Variants in AOPEP observed in about 807,000 individuals in gnomAD.
AOPEP encodes the protein aminopeptidase O (putative), also known as aminopeptidase O.
Under a neutral mutation model 98.1 loss-of-function variants are expected in AOPEP, and 77 were observed. The ratio of observed to expected loss-of-function variants is 0.78; its 90% CI spans 0.65 to 0.95. The LOEUF (loss-of-function observed/expected upper bound fraction) is 0.95. Among genes scored for constraint, AOPEP ranks in the 40% least tolerant of loss-of-function variants. The pLI, the probability that AOPEP is intolerant of heterozygous loss-of-function variation, is 0.00. For synonymous variants in AOPEP, 346 were observed against 365.3 expected, an observed-to-expected ratio of 0.95 and a Z score of 0.60; for missense variants, 1,024 against 1,024.7, an observed-to-expected ratio of 1.00 and a Z score of 0.01.
At chr9:95,058,818 TA>T (rs1419793176) in intron 13 of AOPEP, among the ~76,000 whole-genome samples, 2 of 152,122 alleles carry the variant, frequency 1.3e-5, no homozygotes, top group African/African-American at 4.8e-5. Context: ...GGAGACGGGT[TA>T]GGGGTACTTG....
chr9:94,809,571 C>T (rs867079121), intron 5 of AOPEP, among the ~76,000 whole-genome samples: 5 of 152,338 alleles, frequency 3.3e-5, no homozygotes, highest in Middle Eastern at 6.8e-3. Context: ...AGGCCCTGGG[C>T]AAGGGCTTTG....
chr9:95,090,946 G>T (rs1214579502), downstream of AOPEP, among the ~76,000 whole-genome samples: 1 of 152,224 alleles, frequency 6.6e-6, no homozygotes, highest in Non-Finnish European at 1.5e-5. Context: ...ACCCAAGACA[G>T]CCCTGACGGA....
chr9:94,814,740 C>G (rs1005272559), intron 5 of AOPEP, among the ~76,000 whole-genome samples: 1 of 152,214 alleles, frequency 6.6e-6, no homozygotes, highest in Non-Finnish European at 1.5e-5. Context: ...TCCTTAAGAT[C>G]TAATACTGTG....
chr9:95,078,657 G>A (rs768183246), intron 14 of AOPEP, among the ~76,000 whole-genome samples: 2 of 152,222 alleles, frequency 1.3e-5, no homozygotes, highest in African/African-American at 4.8e-5. Flanking sequence ...TGGCCATCTC[G>A]CCAGACCACA....
intron 14 of AOPEP, among the ~76,000 whole-genome samples, chr9:95,071,304 AC>A (rs201452806): frequency 2.1e-5 from 2 of 93,370 alleles, no homozygotes; most frequent in Admixed American, 1.4e-4. Flanking sequence ...ACACACACAC[AC>A]AAAAAAATGC....
intron 2 of AOPEP, among the ~76,000 whole-genome samples, chr9:94,766,479 G>A (rs972500239): frequency 1.3e-5 from 2 of 152,252 alleles, no homozygotes; most frequent in African/African-American, 4.8e-5. Context: ...GGAGCTTGCA[G>A]TGAGCTGAGA....
intron 5 of AOPEP, among the ~76,000 whole-genome samples, chr9:94,872,353 A>G (rs1050315772): frequency 2.0e-5 from 3 of 152,196 alleles, no homozygotes; most frequent in African/African-American, 7.2e-5. Context: ...GAAACAGGCC[A>G]AGAAAGGTTG....
intron 3 of AOPEP, among the ~76,000 whole-genome samples, chr9:94,776,421 C>A (rs901798470): frequency 9.2e-5 from 14 of 152,166 alleles, no homozygotes; most frequent in Non-Finnish European, 2.1e-4. Context: ...CCTGCCTCAG[C>A]CTCCCGAGTA....
chr9:95,065,117 T>G (rs1334375144), intron 14 of AOPEP, among the ~76,000 whole-genome samples: 1 of 152,260 alleles, frequency 6.6e-6, no homozygotes, highest in African/African-American at 2.4e-5. Flanking sequence ...CTATTTTGTT[T>G]TGTTACAGAG....
At chr9:94,807,870 A>G (rs1849575921) in intron 5 of AOPEP, among the ~76,000 whole-genome samples, 1 of 152,210 alleles carries the variant, frequency 6.6e-6, no homozygotes, top group African/African-American at 2.4e-5. Flanking sequence ...TCCTCAGGCA[A>G]AGTACAATGT....
chr9:94,985,709 G>A (rs2060475199), intron 11 of AOPEP, among the ~76,000 whole-genome samples: 1 of 152,144 alleles, frequency 6.6e-6, no homozygotes. Flanking sequence ...CCATAATGTG[G>A]TATACTATTT....
At chr9:94,944,790 C>T (rs2057431573) in intron 7 of AOPEP, among the ~76,000 whole-genome samples, 1 of 152,098 alleles carries the variant, frequency 6.6e-6, no homozygotes, top group Non-Finnish European at 1.5e-5. Context: ...GGGTGATTAA[C>T]ATGTTCTAAA....
At chr9:95,108,274 G>T in the AOPEP span, among the ~76,000 whole-genome samples, 2 of 152,256 alleles carry the variant, frequency 1.3e-5, no homozygotes, top group East Asian at 3.9e-4. Context: ...CTTCCACGGG[G>T]AGCGGCAGCG....
intron 5 of AOPEP, among the ~76,000 whole-genome samples, chr9:94,856,631 A>G (rs893209636): frequency 1.5e-5 from 2 of 137,054 alleles, no homozygotes; most frequent in Non-Finnish European, 3.2e-5. Context: ...GCAAGAGTGA[A>G]ACTCCGTCTT....
intron 13 of AOPEP, among the ~76,000 whole-genome samples, chr9:95,047,987 T>A (rs1240826805): frequency 6.6e-6 from 1 of 152,228 alleles, no homozygotes; most frequent in Non-Finnish European, 1.5e-5. Flanking sequence ...GGTTTGTTGC[T>A]CTTTTATTCA....
chr9:94,822,548 T>C (rs963861357), intron 5 of AOPEP, among the ~76,000 whole-genome samples: 8 of 152,242 alleles, frequency 5.3e-5, no homozygotes, highest in Non-Finnish European at 2.9e-5. Flanking sequence ...CAGATTTTTC[T>C]TTTCTGGGCT....
At chr9:94,916,172 G>A (rs1393757854) in intron 5 of AOPEP, among the ~76,000 whole-genome samples, 1 of 152,208 alleles carries the variant, frequency 6.6e-6, no homozygotes, top group East Asian at 1.9e-4. Context: ...CTGTATCACA[G>A]TGGAGGCTAA....
chr9:95,138,040 G>A, the AOPEP span, among the ~76,000 whole-genome samples: 1 of 152,264 alleles, frequency 6.6e-6, no homozygotes, highest in African/African-American at 2.4e-5. Flanking sequence ...AAGGCGCAGA[G>A]GAGTGGGAAA....
Position 94,914,783 on chromosome 9 carries a change from T to C in AOPEP, c.1365-9203T>C, listed in dbSNP as rs183623190. ...GGTCTCTGGACCAGCCACATTAGCATTACCCGGGAACTTCACAGAAATGCA... is the reference window on the plus strand; with the variant it reads ...GGTCTCTGGACCAGCCACATTAGCACTACCCGGGAACTTCACAGAAATGCA... On this transcript the variant is annotated intron_variant, in intron 5 of 16. Coordinates refer to ENST00000375315, the MANE Select transcript of AOPEP (RefSeq NM_001193329.3). Among the ~76,000 whole-genome samples the C allele has an allele frequency of 8.9e-3, 1,350 of 152,246 alleles. 20 individuals are homozygous for C. Among genetic ancestry groups the C allele is most frequent in the Non-Finnish European group, 0.012 (845 of 68,014 alleles).
Sources: allele counts gnomAD v4.1 joint callset (sites outside exome capture counted in the v4.1 genomes callset), GRCh38; gene constraint gnomAD v4.1.1; transcripts MANE v1.5; gene names NCBI Gene and HGNC (gene_info 2026-07-23, HGNC 2026-07-21).